INPP4B: variants seen among roughly 807,000 people sequenced by gnomAD.
INPP4B encodes inositol polyphosphate-4-phosphatase type II B.
In INPP4B, 55 loss-of-function variants were observed where a neutral mutation model predicts 122.5. The observed-to-expected ratio is 0.45, with a 90% CI of 0.36 to 0.56. INPP4B has a LOEUF of 0.56. Ranked by LOEUF, INPP4B falls within the 20% of genes least tolerant of loss-of-function variation. INPP4B has a pLI of 0.00. For synonymous variants in INPP4B, 403 were observed against 388.7 expected (o/e 1.04, Z -0.43); for missense variants, 1,000 against 1,097.7 (o/e 0.91, Z 1.26).
chr4:142,687,354 A>G (rs967975437), intron 2 of INPP4B, among the ~76,000 whole-genome samples: 3 of 152,052 alleles, frequency 2.0e-5, no homozygotes, highest in African/African-American at 7.2e-5. Context: ...GGAATGAGAA[A>G]ATCAAGAAAA....
intron 2 of INPP4B, among the ~76,000 whole-genome samples, chr4:142,625,586 C>T (rs1560883660): frequency 6.6e-6 from 1 of 151,922 alleles, no homozygotes; most frequent in Non-Finnish European, 1.5e-5. Flanking sequence ...CAATGCCATC[C>T]CCATCAAGCT....
At chr4:142,744,813 A>T (rs918453325) in intron 1 of INPP4B, among the ~76,000 whole-genome samples, 1 of 151,890 alleles carries the variant, frequency 6.6e-6, no homozygotes, top group African/African-American at 2.4e-5. Context: ...ATGTCCATAG[A>T]TGGGAAGAGT....
intron 2 of INPP4B, among the ~76,000 whole-genome samples, chr4:142,558,832 AT>A (rs146728047): frequency 7.0e-6 from 1 of 143,238 alleles, no homozygotes; most frequent in Non-Finnish European, 1.5e-5. Context: ...AAGAAGCTCA[AT>A]TTTTTGAAGC....
At chr4:142,530,550 C>CGTAT (rs1827471176) in intron 2 of INPP4B, among the ~76,000 whole-genome samples, 1 of 140,446 alleles carries the variant, frequency 7.1e-6, no homozygotes, top group African/African-American at 2.7e-5. Flanking sequence ...TATGTGTGTG[C>CGTAT]ATATATATAT....
At chr4:142,686,503 C>T (rs1260096758) in intron 2 of INPP4B, among the ~76,000 whole-genome samples, 1 of 151,978 alleles carries the variant, frequency 6.6e-6, no homozygotes, top group Non-Finnish European at 1.5e-5. Context: ...ACTAATGCAC[C>T]ACTGAGTCAT....
intron 18 of INPP4B, 49 bp from the exon 19 acceptor site, chr4:142,124,809 G>A: frequency 1.5e-6 from 2 of 1,334,326 alleles, no homozygotes; most frequent in Non-Finnish European, 2.0e-6. Flanking sequence ...GGAAGGTCTT[G>A]GAATATAATG....
intron 7 of INPP4B, among the ~76,000 whole-genome samples, chr4:142,363,798 T>C (rs1165326282): frequency 6.6e-6 from 1 of 152,058 alleles, no homozygotes; most frequent in Non-Finnish European, 1.5e-5. Context: ...AGATATTATC[T>C]CATTTGTCTT....
chr4:142,615,050 A>G (rs1021136207), intron 2 of INPP4B, among the ~76,000 whole-genome samples: 2 of 152,212 alleles, frequency 1.3e-5, no homozygotes, highest in Admixed American at 6.5e-5. Flanking sequence ...GTATCCACTC[A>G]AAGGAAAAGA....
intron 7 of INPP4B, among the ~76,000 whole-genome samples, chr4:142,328,740 T>C (rs1271917991): frequency 8.8e-6 from 1 of 113,572 alleles, no homozygotes; most frequent in East Asian, 2.4e-4. Flanking sequence ...TTTTTAAAAT[T>C]TTGGAGTTTT....
intron 18 of INPP4B, among the ~76,000 whole-genome samples, chr4:142,135,286 T>C (rs1803469831): frequency 6.6e-6 from 1 of 152,146 alleles, no homozygotes; most frequent in Non-Finnish European, 1.5e-5. Flanking sequence ...ACAGGGGAAA[T>C]GACATTTAAG....
At chr4:142,403,911 C>A (rs1802467447) in intron 6 of INPP4B, among the ~76,000 whole-genome samples, 1 of 151,544 alleles carries the variant, frequency 6.6e-6, no homozygotes, top group African/African-American at 2.4e-5. Context: ...TTAAAATGTG[C>A]CAAAATAAGA....
intron 25 of INPP4B, among the ~76,000 whole-genome samples, chr4:142,032,185 G>A (rs1560877348): frequency 1.3e-5 from 2 of 152,118 alleles, no homozygotes; most frequent in Non-Finnish European, 2.9e-5. Flanking sequence ...GGACTGGAAA[G>A]TTTAGGCTGG....
At chr4:142,792,254 T>A (rs769922268) in intron 1 of INPP4B, among the ~76,000 whole-genome samples, 2 of 151,814 alleles carry the variant, frequency 1.3e-5, no homozygotes, top group Admixed American at 1.3e-4. Flanking sequence ...AATAAATACA[T>A]AAATTTTTAT....
At chr4:142,238,227 A>AT (rs1470006806) in intron 11 of INPP4B, among the ~76,000 whole-genome samples, 1 of 151,800 alleles carries the variant, frequency 6.6e-6, no homozygotes, top group Admixed American at 6.6e-5. Context: ...TTGACATCTT[A>AT]TTTTTTTCAG....
chr4:142,521,121 C>T (rs983486796), intron 2 of INPP4B, among the ~76,000 whole-genome samples: 2 of 151,694 alleles, frequency 1.3e-5, no homozygotes, highest in African/African-American at 4.8e-5. Flanking sequence ...AGACTTTGGT[C>T]TCGGTATCAA....
intron 25 of INPP4B, among the ~76,000 whole-genome samples, chr4:142,074,899 C>G (rs904727996): frequency 1.3e-5 from 2 of 152,010 alleles, no homozygotes; most frequent in African/African-American, 4.8e-5. Context: ...CTCCTGGCAA[C>G]TTACCTAAAT....
chr4:142,649,830 A>C (rs1049725625), intron 2 of INPP4B, among the ~76,000 whole-genome samples: 12 of 152,204 alleles, frequency 7.9e-5, no homozygotes, highest in Non-Finnish European at 1.5e-4. Flanking sequence ...AACCTAGCAA[A>C]GCAGGCCAAC....
chr4:142,061,151 G>A (rs751654705), intron 25 of INPP4B, among the ~76,000 whole-genome samples: 4 of 152,190 alleles, frequency 2.6e-5, no homozygotes, highest in Non-Finnish European at 4.4e-5. Context: ...TGGGTTAACA[G>A]ATTTCAGCTT....
At chr4:142,307,534 T>C (rs1194970249) in intron 8 of INPP4B, among the ~76,000 whole-genome samples, 3 of 152,220 alleles carry the variant, frequency 2.0e-5, no homozygotes, top group Admixed American at 6.5e-5. Context: ...GACACTGGCC[T>C]TTAAGTAAGT....
Sources: allele counts gnomAD v4.1 joint callset (sites outside exome capture counted in the v4.1 genomes callset), GRCh38; gene constraint gnomAD v4.1.1; transcripts MANE v1.5; gene names NCBI Gene and HGNC (gene_info 2026-07-23, HGNC 2026-07-21).